The following ADGRL3 variants were observed in gnomAD, a reference collection of about 807,000 sequenced individuals.
ADGRL3 encodes calcium-independent alpha-latrotoxin receptor 3.
In ADGRL3, 62 loss-of-function variants were observed where a neutral mutation model predicts 153.5. The ratio of observed to expected loss-of-function variants is 0.40; its 90% CI spans 0.33 to 0.50. The LOEUF is 0.50. ADGRL3 is among the 20% of genes least tolerant of loss of function. The probability of loss-of-function intolerance (pLI) is 0.47; values close to 1 mark genes in which losing one functional copy is unlikely to be tolerated. For missense variants in ADGRL3, 1,641 were observed against 1,859.4 expected, an observed-to-expected ratio of 0.88 and a Z score of 2.16; for synonymous variants, 710 against 672.5, an observed-to-expected ratio of 1.06 and a Z score of -0.86.
rs941168178 is a variant in ADGRL3, at chr4:61,906,878, C to T, written c.1888-2682C>T. On this transcript the variant is annotated intron_variant, in intron 11 of 26. Transcript: ENST00000683033. ...CCAAGTAGATCATGATAATCGATAA[C>T]CTACCTATTTAAATAAGAGTTTTAG... 3.3e-5 allele frequency among the ~76,000 whole-genome samples: 5 copies of T among 152,002 alleles called. 1 individual carries two copies. Among genetic ancestry groups the T allele is most frequent in the Admixed American group, 3.3e-4 (5 of 15,252 alleles).
intron 6 of ADGRL3, among the ~76,000 whole-genome samples, chr4:61,713,212 G>A (rs60459182): frequency 0.23 from 34,589 of 151,848 alleles, 4,183 homozygotes; most frequent in East Asian, 0.39. Context: ...ATGATATCTT[G>A]TGCTCATTTC....
chr4:61,392,456 G>A (rs2096820873), intron 2 of ADGRL3, among the ~76,000 whole-genome samples: 1 of 151,160 alleles, frequency 6.6e-6, no homozygotes, highest in Non-Finnish European at 1.5e-5. Context: ...GGAGGCAGAG[G>A]GAAGGCAGAT....
intron 8 of ADGRL3, among the ~76,000 whole-genome samples, chr4:61,746,129 AAG>A (rs973600997): frequency 2.0e-5 from 3 of 152,202 alleles, no homozygotes; most frequent in Non-Finnish European, 2.9e-5. Context: ...AATAATAGTA[AAG>A]AGATCAATTC....
At position 62,014,015 on chromosome 4, in the gene ADGRL3, C is replaced by A. The variant is rs74913823; in HGVS notation, c.3396-14840C>A. ...GAGGGGATATAAGAAAGTAAATGGT[C>A]ATAGTATCTGGGCTGGTCATGGGGG... On this transcript the variant is annotated intron_variant, in intron 21 of 26. Transcript: ENST00000683033. Among the ~76,000 whole-genome samples the A allele has an allele frequency of 5.6e-3, 841 of 151,484 alleles. 5 individuals are homozygous for A. The highest frequency in any genetic ancestry group is 0.038 in the East Asian group (194 of 5,148).
At chr4:61,735,958 T>A (rs1337993896) in intron 8 of ADGRL3, among the ~76,000 whole-genome samples, 1 of 152,086 alleles carries the variant, frequency 6.6e-6, no homozygotes, top group South Asian at 2.1e-4. Context: ...CCCATGTGTT[T>A]AAAAACTTGC....
At chr4:61,489,585 A>G (rs894448700) in intron 2 of ADGRL3, among the ~76,000 whole-genome samples, 6 of 152,078 alleles carry the variant, frequency 3.9e-5, no homozygotes, top group Non-Finnish European at 1.5e-5. Flanking sequence ...TTGATCTCAA[A>G]TAGCATAATG....
At chr4:61,908,586 C>A (rs2098707314) in intron 11 of ADGRL3, among the ~76,000 whole-genome samples, 2 of 125,726 alleles carry the variant, frequency 1.6e-5, no homozygotes, top group Admixed American at 9.2e-5. Flanking sequence ...CCAGCCTGGG[C>A]GACAAGAGCA....
intron 1 of ADGRL3, among the ~76,000 whole-genome samples, chr4:61,253,476 T>G (rs1577987115): frequency 6.6e-6 from 1 of 152,048 alleles, no homozygotes; most frequent in East Asian, 1.9e-4. Context: ...GGGTTCTCAT[T>G]TGTTGGGAAA....
intron 3 of ADGRL3, among the ~76,000 whole-genome samples, chr4:61,504,774 T>G (rs2098416427): frequency 6.6e-6 from 1 of 152,200 alleles, no homozygotes; most frequent in African/African-American, 2.4e-5. Context: ...CTTTCTATGT[T>G]TGGCTTAAGA....
At chr4:61,957,240 G>A (rs1281670644) in intron 17 of ADGRL3, among the ~76,000 whole-genome samples, 1 of 152,060 alleles carries the variant, frequency 6.6e-6, no homozygotes, top group African/African-American at 2.4e-5. Flanking sequence ...TCTCCTTGAA[G>A]ACATCCTTCA....
At chr4:62,012,443 A>G (rs964025195) in intron 21 of ADGRL3, among the ~76,000 whole-genome samples, 1 of 152,160 alleles carries the variant, frequency 6.6e-6, no homozygotes, top group Admixed American at 6.5e-5. Flanking sequence ...AATTTATTTA[A>G]TCTTTGCAAT....
At chr4:61,268,500 A>G (rs1275681473) in intron 1 of ADGRL3, among the ~76,000 whole-genome samples, 1 of 151,538 alleles carries the variant, frequency 6.6e-6, no homozygotes, top group African/African-American at 2.4e-5. Context: ...CTTGGGCCTC[A>G]GCCATTTATT....
intron 4 of ADGRL3, among the ~76,000 whole-genome samples, chr4:61,571,348 A>C (rs928711614): frequency 2.0e-5 from 3 of 150,446 alleles, no homozygotes; most frequent in African/African-American, 4.9e-5. Context: ...ATAAAATAAA[A>C]TAAAATAAAA....
At chr4:61,914,104 A>G (rs1355368) in intron 13 of ADGRL3, among the ~76,000 whole-genome samples, 92,996 of 151,900 alleles carry the variant, frequency 0.61, 29,083 homozygotes, top group Non-Finnish European at 0.7. Flanking sequence ...ATGAAAATGC[A>G]GTTGAGTAGA....
chr4:61,767,224 T>C (rs2096999059), intron 8 of ADGRL3, among the ~76,000 whole-genome samples: 1 of 151,926 alleles, frequency 6.6e-6, no homozygotes, highest in Non-Finnish European at 1.5e-5. Flanking sequence ...ATAGCTGTAG[T>C]CCAGGAATAG....
At chr4:61,831,940 G>A (rs2097875412) in intron 9 of ADGRL3, among the ~76,000 whole-genome samples, 1 of 152,040 alleles carries the variant, frequency 6.6e-6, no homozygotes, top group African/African-American at 2.4e-5. Context: ...AAAGCCTGCA[G>A]ATTAAGCTTC....
chr4:61,672,832 G>A (rs1486518199), intron 5 of ADGRL3, among the ~76,000 whole-genome samples: 1 of 151,996 alleles, frequency 6.6e-6, no homozygotes, highest in Non-Finnish European at 1.5e-5. Context: ...GTATGGATAT[G>A]TAAAAGAAAT....
At chr4:61,852,562 G>A (rs1349439552) in intron 9 of ADGRL3, among the ~76,000 whole-genome samples, 10 of 152,040 alleles carry the variant, frequency 6.6e-5, no homozygotes, top group Non-Finnish European at 1.2e-4. Flanking sequence ...CGATCCGCCC[G>A]CCTCGGCCTC....
intron 9 of ADGRL3, among the ~76,000 whole-genome samples, chr4:61,839,388 T>G (rs4860436): frequency 0.37 from 55,545 of 151,378 alleles, 12,881 homozygotes; most frequent in East Asian, 0.74. Context: ...AGATACAGAG[T>G]TCTCACTATG....
Sources: gnomAD v4.1 joint callset for allele counts (sites outside exome capture counted in the v4.1 genomes callset) on GRCh38, gnomAD v4.1.1 for gene constraint, MANE v1.5 for transcripts, NCBI Gene and HGNC (gene_info 2026-07-23, HGNC 2026-07-21) for gene names.